SDHAF3: variants seen among roughly 807,000 people sequenced by gnomAD.
The protein encoded by SDHAF3 is succinate dehydrogenase complex assembly factor 3.
In SDHAF3, 18 loss-of-function variants were observed where a neutral mutation model predicts 11.5. The observed-to-expected ratio is 1.56, with a 90% CI of 1.08 to 2.32. SDHAF3 has a LOEUF of 2.32. Ranked by LOEUF, SDHAF3 falls within the 30% of genes most tolerant of loss-of-function variation. SDHAF3 has a pLI of 0.00. For synonymous variants in SDHAF3, 72 were observed against 59.3 expected, an observed-to-expected ratio of 1.21 and a Z score of -0.99; for missense variants, 200 against 154.4, an observed-to-expected ratio of 1.30 and a Z score of -1.57.
intron 1 of SDHAF3, among the ~76,000 whole-genome samples, chr7:97,124,300 T>G (rs1791542621): frequency 6.6e-6 from 1 of 152,210 alleles, no homozygotes; most frequent in Non-Finnish European, 1.5e-5. Flanking sequence ...ATGAGATGGT[T>G]GCAGATGTGT....
At position 97,125,602 on chromosome 7, in the gene SDHAF3, C is replaced by T. The variant is rs558887388; in HGVS notation, c.174+7705C>T. On this transcript the variant is annotated intron_variant, in intron 1 of 1. Transcript: ENST00000432641. ...TAAGTTGATCTTCAATCTCTGATAT[C>T]CTTTCTTCCTCTTTGTTGATTTGGC... 2.0e-5 allele frequency among the ~76,000 whole-genome samples: 3 copies of T among 152,114 alleles called. No homozygotes were observed. In the East Asian group the frequency reaches 5.8e-4, roughly 29 times the overall value.
intron 1 of SDHAF3, chr7:97,136,447 A>T (rs1489109477): frequency 1.5e-6 from 1 of 662,652 alleles, no homozygotes; most frequent in South Asian, 1.6e-5. Context: ...TCATGTGAAG[A>T]ATTCCGATTT....
At position 97,158,354 on chromosome 7, in the gene SDHAF3, G is replaced by GTC. The variant is rs757203851; in HGVS notation, c.175-22655_175-22654dup. Reference sequence around the variant, plus strand: ...TTTTTGTTTGTTTGTTTGAGACAAAGTCTCACTCTGTTGCCCAGGCTGGAG... The same window carrying GTC: ...TTTTTGTTTGTTTGTTTGAGACAAAGTCTCTCACTCTGTTGCCCAGGCTGGAG... On this transcript the variant is annotated intron_variant, in intron 1 of 1. Coordinates refer to ENST00000432641, the MANE Select transcript of SDHAF3 (RefSeq NM_020186.3). 4.0e-4 allele frequency among the ~76,000 whole-genome samples: 61 copies of GTC among 152,234 alleles called. 1 individual carries two copies. The highest frequency in any genetic ancestry group is 6.5e-4 in the Admixed American group (10 of 15,284).
chr7:97,177,527 A>C (rs1321191620), intron 1 of SDHAF3, among the ~76,000 whole-genome samples: 1 of 151,324 alleles, frequency 6.6e-6, no homozygotes, highest in Non-Finnish European at 1.5e-5. Flanking sequence ...TACCCATTAA[A>C]ATTTATTTTT....
At chr7:97,129,643 T>C (rs1403574974) in intron 1 of SDHAF3, among the ~76,000 whole-genome samples, 3 of 152,164 alleles carry the variant, frequency 2.0e-5, no homozygotes, top group African/African-American at 7.2e-5. Context: ...ATGACTTGTT[T>C]GATACTGATG....
At chr7:97,170,436 A>G (rs926852375) in intron 1 of SDHAF3, among the ~76,000 whole-genome samples, 2 of 152,164 alleles carry the variant, frequency 1.3e-5, no homozygotes, top group African/African-American at 4.8e-5. Flanking sequence ...CTTAAGTACA[A>G]TGCTATTATT....
intron 1 of SDHAF3, among the ~76,000 whole-genome samples, chr7:97,147,951 G>C (rs1438354386): frequency 6.6e-6 from 1 of 151,892 alleles, no homozygotes; most frequent in African/African-American, 2.4e-5. Context: ...GTCTTGCCGT[G>C]TCTCCCAGGC....
intron 1 of SDHAF3, among the ~76,000 whole-genome samples, chr7:97,139,802 T>A (rs1290489005): frequency 1.3e-5 from 2 of 152,254 alleles, no homozygotes; most frequent in Non-Finnish European, 2.9e-5. Flanking sequence ...TCTTATCCTC[T>A]GTATGCTGTT....
At chr7:97,122,362 C>T (rs1405097263) in intron 1 of SDHAF3, among the ~76,000 whole-genome samples, 1 of 151,992 alleles carries the variant, frequency 6.6e-6, no homozygotes, top group African/African-American at 2.4e-5. Context: ...ATGTTAGCAG[C>T]AATATAGAGG....
chr7:97,149,962 A>G lies in SDHAF3; in HGVS notation c.175-31050A>G, dbSNP rs1436398465. On this transcript the variant is annotated intron_variant, in intron 1 of 1. Transcript: ENST00000432641. ...ATCAATTAAGTTTATGTAATATTCTAAATCCTTTGTTGTCATTTCAGCACT... is the reference window on the plus strand; with the variant it reads ...ATCAATTAAGTTTATGTAATATTCTGAATCCTTTGTTGTCATTTCAGCACT... Among the ~76,000 whole-genome samples, 6 of 152,236 alleles carry G rather than the reference A, an allele frequency of 3.9e-5. No homozygotes were observed. The East Asian group carries it at 9.6e-4, about 24-fold the overall frequency.
At chr7:97,144,886 T>G (rs970298268) in intron 1 of SDHAF3, among the ~76,000 whole-genome samples, 4 of 152,218 alleles carry the variant, frequency 2.6e-5, no homozygotes, top group Admixed American at 2.0e-4. Flanking sequence ...ATTTGTAGAT[T>G]GCTTTTGGCA....
chr7:97,150,257 G>T (rs906719725), intron 1 of SDHAF3, among the ~76,000 whole-genome samples: 10 of 152,128 alleles, frequency 6.6e-5, no homozygotes, highest in African/African-American at 2.4e-4. Flanking sequence ...AGTTTGATCT[G>T]CTCCCATGAA....
chr7:97,176,853 A>G (rs1789687398), intron 1 of SDHAF3, among the ~76,000 whole-genome samples: 1 of 152,184 alleles, frequency 6.6e-6, no homozygotes, highest in Non-Finnish European at 1.5e-5. Flanking sequence ...AAAGTTATGT[A>G]TTCACCACTC....
Position 97,117,752 on chromosome 7 carries a change from G to C in SDHAF3, c.29G>C (p.Arg10Pro), listed in dbSNP as rs1181439627. 6.2e-7 allele frequency: 1 copy of C among 1,613,930 alleles called. No homozygotes were observed. The highest frequency in any genetic ancestry group is 1.3e-5 in the African/African-American group (1 of 75,064). MPGRHVSRV[R>P]ALYKRVLQLH... The stretch of plus-strand genomic sequence containing the variant: ...CCGGGGCGGCACGTTTCTCGAGTCC[G>C]GGCATTGTACAAGCGCGTCTTGCAG... The change falls in exon 1 of 2, where the codon CGG becomes CCG. Residue 10 changes from arginine to proline, a missense_variant. By Grantham distance (103) the Arg-to-Pro change is moderately radical. Coordinates refer to ENST00000432641, the MANE Select transcript of SDHAF3 (RefSeq NM_020186.3).
At chr7:97,173,332 C>T (rs1181604370) in intron 1 of SDHAF3, among the ~76,000 whole-genome samples, 1 of 152,012 alleles carries the variant, frequency 6.6e-6, no homozygotes, top group Non-Finnish European at 1.5e-5. Context: ...AAATCTCAAC[C>T]ATATAAAATG....
chr7:97,180,863 C>G, intron 1 of SDHAF3, 149 bp from the exon 2 acceptor site: 1 of 696,006 alleles, frequency 1.4e-6, no homozygotes, highest in Non-Finnish European at 2.3e-6. Context: ...TGAATTGTAT[C>G]TTCACAACTA....
intron 1 of SDHAF3, among the ~76,000 whole-genome samples, chr7:97,174,080 G>A (rs1478557781): frequency 1.3e-5 from 2 of 151,848 alleles, no homozygotes; most frequent in East Asian, 1.9e-4. Context: ...CCACCACACT[G>A]GCTAAGTTTT....
At chr7:97,130,855 G>T (rs1190971162) in intron 1 of SDHAF3, among the ~76,000 whole-genome samples, 1 of 152,234 alleles carries the variant, frequency 6.6e-6, no homozygotes, top group Non-Finnish European at 1.5e-5. Flanking sequence ...TATGGGCTCA[G>T]AATGGAGGAG....
At chr7:97,165,371 T>TTG (rs1789485955) in intron 1 of SDHAF3, among the ~76,000 whole-genome samples, 1 of 150,742 alleles carries the variant, frequency 6.6e-6, no homozygotes, top group Non-Finnish European at 1.5e-5. Flanking sequence ...TTTTTTTTTT[T>TTG]TTTTTTGCTT....
Sources: gnomAD v4.1 joint callset for allele counts (sites outside exome capture counted in the v4.1 genomes callset) on GRCh38, gnomAD v4.1.1 for gene constraint, MANE v1.5 for transcripts, NCBI Gene and HGNC (gene_info 2026-07-23, HGNC 2026-07-21) for gene names.